Variants in SPIDR observed in about 807,000 individuals in gnomAD.
SPIDR encodes scaffold protein involved in DNA repair.
Under a neutral mutation model 104.6 loss-of-function variants are expected in SPIDR, and 93 were observed. That is an observed-to-expected ratio of 0.89 (90% CI 0.75 to 1.06). SPIDR has a LOEUF of 1.06. Among genes scored for constraint, SPIDR ranks in the 50% least tolerant of loss-of-function variants. The pLI is 0.00. For synonymous variants in SPIDR, 431 were observed against 416.9 expected (o/e 1.03, Z -0.41); for missense variants, 1,154 against 1,111.2 (o/e 1.04, Z -0.55).
intron 10 of SPIDR, among the ~76,000 whole-genome samples, chr8:47,641,643 T>C (rs575625866): frequency 6.6e-6 from 1 of 152,324 alleles, no homozygotes; most frequent in African/African-American, 2.4e-5. Context: ...CATGAAGGAA[T>C]GCCACATGTG....
chr8:47,408,571 G>A (rs2063074423), intron 7 of SPIDR, among the ~76,000 whole-genome samples: 1 of 152,188 alleles, frequency 6.6e-6, no homozygotes, highest in East Asian at 1.9e-4. Flanking sequence ...CACCATTGCA[G>A]TCTCTGCTTC....
intron 1 of SPIDR, 119 bp from the exon 2 acceptor site, chr8:47,279,741 CTA>C: frequency 1.0e-6 from 1 of 972,650 alleles, no homozygotes. Context: ...CATTCAAAAA[CTA>C]TACCTTTACT....
At chr8:47,524,514 G>T (rs2084679740) in intron 8 of SPIDR, among the ~76,000 whole-genome samples, 2 of 152,170 alleles carry the variant, frequency 1.3e-5, no homozygotes, top group Non-Finnish European at 2.9e-5. Flanking sequence ...CACCCCCGAG[G>T]AACTGCAGGC....
chr8:47,464,113 T>TACACAC (rs113515816), intron 8 of SPIDR, among the ~76,000 whole-genome samples: 115 of 143,462 alleles, frequency 8.0e-4, no homozygotes, highest in African/African-American at 1.1e-3. Context: ...CTAAAGATTA[T>TACACAC]ACACACACAC....
chr8:47,321,980 A>G (rs1245236790), intron 5 of SPIDR, among the ~76,000 whole-genome samples: 2 of 152,174 alleles, frequency 1.3e-5, no homozygotes, highest in Non-Finnish European at 2.9e-5. Flanking sequence ...TAGACCTGAA[A>G]CCATAAAAAC....
At chr8:47,705,868 T>A (rs2081013261) in intron 14 of SPIDR, among the ~76,000 whole-genome samples, 1 of 150,842 alleles carries the variant, frequency 6.6e-6, no homozygotes. Context: ...ACCACTCCAC[T>A]CCAGCCTGGC....
intron 1 of SPIDR, among the ~76,000 whole-genome samples, chr8:47,271,040 A>AG (rs1185239061): frequency 1.3e-5 from 2 of 152,086 alleles, no homozygotes; most frequent in Non-Finnish European, 2.9e-5. Flanking sequence ...TCCTCAGGGT[A>AG]GGGGGGTGTC....
chr8:47,692,230 A>T (rs183025479), intron 11 of SPIDR, among the ~76,000 whole-genome samples: 1 of 152,194 alleles, frequency 6.6e-6, no homozygotes, highest in Admixed American at 6.5e-5. Flanking sequence ...ATTGGTTTTT[A>T]TTTTACTCAC....
At chr8:47,683,853 A>G (rs1422533779) in intron 11 of SPIDR, among the ~76,000 whole-genome samples, 2 of 152,176 alleles carry the variant, frequency 1.3e-5, no homozygotes, top group Admixed American at 1.3e-4. Context: ...TTGGCCGGGC[A>G]TGGTGGCTCA....
chr8:47,551,234 T>G (rs2090414545), intron 8 of SPIDR, among the ~76,000 whole-genome samples: 1 of 152,180 alleles, frequency 6.6e-6, no homozygotes, highest in Admixed American at 6.5e-5. Flanking sequence ...AAATTCTCCT[T>G]TTTTGTTGTG....
In SPIDR at chr8:47,319,829, C is replaced by T. The variant is rs200878787; in HGVS notation, c.525+25799C>T. Among the ~76,000 whole-genome samples the T allele has an allele frequency of 1.7e-4, 26 of 152,158 alleles. 1 individual carries two copies. The highest frequency in any genetic ancestry group is 6.0e-4 in the African/African-American group (25 of 41,536). On this transcript the variant is annotated intron_variant, in intron 5 of 19. Coordinates refer to ENST00000297423, the MANE Select transcript of SPIDR (RefSeq NM_001080394.4). ...GCTCAACTACATGGAAACTGAACAACCTGCTCCTGAATGACTACTGGGTAC... is the reference window on the plus strand; with the variant it reads ...GCTCAACTACATGGAAACTGAACAATCTGCTCCTGAATGACTACTGGGTAC...
At chr8:47,647,140 G>A (rs750977727) in intron 10 of SPIDR, among the ~76,000 whole-genome samples, 22 of 152,160 alleles carry the variant, frequency 1.4e-4, no homozygotes, top group Non-Finnish European at 2.2e-4. Context: ...TAATTAAGAA[G>A]ACCATGCTGA....
chr8:47,466,900 A>AAAAT (rs34970317), intron 8 of SPIDR, among the ~76,000 whole-genome samples: 1,487 of 114,300 alleles, frequency 0.013, 45 homozygotes, highest in Middle Eastern at 0.049. Flanking sequence ...AAAAAAAAAA[A>AAAAT]ATATATATAT....
chr8:47,536,202 A>G (rs1396218636), intron 8 of SPIDR, among the ~76,000 whole-genome samples: 1 of 152,134 alleles, frequency 6.6e-6, no homozygotes, highest in African/African-American at 2.4e-5. Context: ...CAATGTTATT[A>G]AGATGTCAGT....
chr8:47,475,833 C>A (rs1423669192), intron 8 of SPIDR, among the ~76,000 whole-genome samples: 1 of 152,088 alleles, frequency 6.6e-6, no homozygotes. Context: ...TTTTGTAAAG[C>A]CAGTCAAATT....
intron 5 of SPIDR, among the ~76,000 whole-genome samples, chr8:47,391,995 C>CAAAAAAAA (rs556134389): frequency 6.5e-5 from 3 of 46,486 alleles, no homozygotes; most frequent in African/African-American, 1.3e-4. Context: ...GACTCCGTCT[C>CAAAAAAAA]AAAAAAAAAA....
intron 3 of SPIDR, among the ~76,000 whole-genome samples, chr8:47,288,895 A>AT (rs2039375807): frequency 6.6e-6 from 1 of 152,176 alleles, no homozygotes; most frequent in Non-Finnish European, 1.5e-5. Context: ...AAAGTGGAAC[A>AT]TTCCATTTTT....
intron 19 of SPIDR, among the ~76,000 whole-genome samples, chr8:47,730,136 G>A (rs960146543): frequency 1.3e-5 from 2 of 151,872 alleles, no homozygotes; most frequent in Non-Finnish European, 2.9e-5. Context: ...TTTAAACACT[G>A]GGTATTCCAG....
intron 8 of SPIDR, among the ~76,000 whole-genome samples, chr8:47,584,288 G>C (rs1165149538): frequency 6.6e-6 from 1 of 152,150 alleles, no homozygotes; most frequent in Non-Finnish European, 1.5e-5. Context: ...ATCTTTGGGG[G>C]ATAAAGGAGA....
Sources: gnomAD v4.1 joint callset for allele counts (sites outside exome capture counted in the v4.1 genomes callset) on GRCh38, gnomAD v4.1.1 for gene constraint, MANE v1.5 for transcripts, NCBI Gene and HGNC (gene_info 2026-07-23, HGNC 2026-07-21) for gene names.